The following AGPS variants were observed in gnomAD, a reference collection of about 807,000 sequenced individuals.
AGPS encodes the protein alkyldihydroxyacetonephosphate synthase, peroxisomal.
In AGPS, 26 loss-of-function variants were observed where a neutral mutation model predicts 90.7. The ratio of observed to expected loss-of-function variants is 0.29; its 90% CI spans 0.21 to 0.40. The LOEUF is 0.40. AGPS is among the 10% of genes least tolerant of loss of function. The pLI is 1.00. For synonymous variants in AGPS, 294 were observed against 285.3 expected (o/e 1.03, Z -0.31); for missense variants, 540 against 816.1 (o/e 0.66, Z 4.12).
chr2:177,407,370 T>A (rs1685497616), intron 1 of AGPS, among the ~76,000 whole-genome samples: 1 of 152,176 alleles, frequency 6.6e-6, no homozygotes, highest in Non-Finnish European at 1.5e-5. Context: ...ATAAAGAGGT[T>A]TAATTAATTC....
At chr2:177,404,578 T>C (rs1292443717) in intron 1 of AGPS, among the ~76,000 whole-genome samples, 3 of 152,236 alleles carry the variant, frequency 2.0e-5, no homozygotes, top group Non-Finnish European at 2.9e-5. Context: ...TTACTGTGCT[T>C]ATCACATATC....
At chr2:177,400,471 T>A (rs1685302145) in intron 1 of AGPS, among the ~76,000 whole-genome samples, 1 of 152,212 alleles carries the variant, frequency 6.6e-6, no homozygotes, top group Admixed American at 6.5e-5. Context: ...TTTGTATATT[T>A]AATTCTGGAT....
At chr2:177,513,668 C>A in intron 16 of AGPS, 151 bp from the exon 17 acceptor site, 1 of 640,368 alleles carries the variant, frequency 1.6e-6, no homozygotes, top group South Asian at 2.0e-5. Flanking sequence ...TTTGAGTGAT[C>A]AGGGCTCTTT....
At chr2:177,471,493 G>A (rs543597810) in intron 10 of AGPS, among the ~76,000 whole-genome samples, 137 of 152,080 alleles carry the variant, frequency 9.0e-4, no homozygotes, top group South Asian at 5.0e-3. Flanking sequence ...AAATATTCAA[G>A]CATTTGAAAT....
Position 177,392,974 on chromosome 2 carries a change from G to GAGCCGCGTCGGC in AGPS, c.186_197dup (p.Ala64_Ala67dup). 1 of 1,550,016 alleles carries GAGCCGCGTCGGC rather than the reference G, an allele frequency of 6.5e-7. No homozygotes were observed. The highest frequency in any genetic ancestry group is 8.7e-7 in the Non-Finnish European group (1 of 1,146,612). On this transcript the variant is annotated inframe_insertion, in exon 1 of 20. Transcript: ENST00000264167. ...AGTACCAATGAGTGCAAAGCGCGGA[G>GAGCCGCGTCGGC]AGCCGCGTCGGCGGCCACGGCAGCG...
At chr2:177,426,961 A>G (rs778813126) in intron 2 of AGPS, among the ~76,000 whole-genome samples, 12 of 152,036 alleles carry the variant, frequency 7.9e-5, no homozygotes, top group Non-Finnish European at 1.8e-4. Flanking sequence ...TTGTACCTCT[A>G]GTAGAATTCA....
Position 177,482,177 on chromosome 2 carries a change from T to C in AGPS, c.1224T>C (p.Ile408=), listed in dbSNP as rs1373203906. 1 of 1,583,222 alleles carries C rather than the reference T, an allele frequency of 6.3e-7. No homozygotes were observed. Among genetic ancestry groups the C allele is most frequent in the Admixed American group, 1.7e-5 (1 of 59,222 alleles). Residue 408 remains isoleucine, a synonymous_variant, in exon 11 of 20, where the codon ATT becomes ATC. Coordinates refer to ENST00000264167, the MANE Select transcript of AGPS (RefSeq NM_003659.4). ...FEQGVACLRE[I]AKQRCAPASI... is the part of the protein sequence containing the mutation. ...AAGGAGTAGCCTGTTTAAGAGAAAT[T>C]GCAAAACAGGTAAAAGAAAAAATAT...
intron 1 of AGPS, among the ~76,000 whole-genome samples, chr2:177,397,145 G>GTA (rs1685203483): frequency 6.6e-6 from 1 of 151,856 alleles, no homozygotes. Context: ...CACCATCTTG[G>GTA]CCAGGCTGGT....
chr2:177,393,266 G>T (rs1685076468), intron 1 of AGPS: 1 of 985,288 alleles, frequency 1.0e-6, no homozygotes, highest in African/African-American at 1.7e-5. Flanking sequence ...TGGTCACTAT[G>T]TGAGGGTAAC....
At chr2:177,522,302 A>G (rs1689218867) in intron 18 of AGPS, among the ~76,000 whole-genome samples, 1 of 152,154 alleles carries the variant, frequency 6.6e-6, no homozygotes, top group South Asian at 2.1e-4. Flanking sequence ...CCACAGAGTG[A>G]AATTATTCCT....
chr2:177,417,535 A>G (rs984256525), intron 1 of AGPS, among the ~76,000 whole-genome samples: 4 of 152,222 alleles, frequency 2.6e-5, no homozygotes, highest in African/African-American at 9.6e-5. Context: ...AGTTCTTTCA[A>G]ATATTCTGGT....
At chr2:177,454,464 A>G (rs970094654) in intron 8 of AGPS, among the ~76,000 whole-genome samples, 1 of 151,814 alleles carries the variant, frequency 6.6e-6, no homozygotes, top group African/African-American at 2.4e-5. Context: ...TAACTGTTTT[A>G]ATGTTCTTGT....
At chr2:177,427,827 G>A (rs1455802978) in intron 2 of AGPS, among the ~76,000 whole-genome samples, 1 of 152,180 alleles carries the variant, frequency 6.6e-6, no homozygotes, top group Non-Finnish European at 1.5e-5. Context: ...GGAGGGTTCT[G>A]TAGATGTCTA....
chr2:177,404,679 TCTC>T (rs1203850750), intron 1 of AGPS, among the ~76,000 whole-genome samples: 14 of 152,354 alleles, frequency 9.2e-5, no homozygotes, highest in African/African-American at 2.9e-4. Context: ...TGAAGTTAAA[TCTC>T]CTTCAGAAAG....
chr2:177,495,418 G>A (rs529727136), intron 12 of AGPS, among the ~76,000 whole-genome samples: 5 of 152,220 alleles, frequency 3.3e-5, no homozygotes, highest in African/African-American at 1.2e-4. Flanking sequence ...CAAATCATAC[G>A]TGGTAGAGCT....
chr2:177,528,734 A>G (rs2105739296), intron 19 of AGPS, among the ~76,000 whole-genome samples: 1 of 152,306 alleles, frequency 6.6e-6, no homozygotes, highest in South Asian at 2.1e-4. Context: ...GTTCAACATC[A>G]TAAATGCTCA....
At chr2:177,478,108 T>G (rs1033886742) in intron 10 of AGPS, among the ~76,000 whole-genome samples, 1 of 152,230 alleles carries the variant, frequency 6.6e-6, no homozygotes, top group African/African-American at 2.4e-5. Context: ...GAAAGATAAC[T>G]GCTGGATGTA....
intron 18 of AGPS, among the ~76,000 whole-genome samples, chr2:177,523,351 C>T (rs897818778): frequency 3.9e-5 from 6 of 152,136 alleles, no homozygotes; most frequent in Non-Finnish European, 7.4e-5. Context: ...TGGAACTTTT[C>T]TGGTACACTT....
At chr2:177,528,822 A>C (rs1403426183) in intron 19 of AGPS, among the ~76,000 whole-genome samples, 2 of 151,482 alleles carry the variant, frequency 1.3e-5, no homozygotes, top group African/African-American at 2.4e-5. Flanking sequence ...CAAATTCTCA[A>C]ATAGCTCTGA....
Sources: allele counts gnomAD v4.1 joint callset (sites outside exome capture counted in the v4.1 genomes callset), GRCh38; gene constraint gnomAD v4.1.1; transcripts MANE v1.5; gene names NCBI Gene and HGNC (gene_info 2026-07-23, HGNC 2026-07-21).